The following SGCD variants were observed in gnomAD, a reference collection of about 807,000 sequenced individuals.
SGCD encodes sarcoglycan delta, also known as delta-sarcoglycan.
A neutral mutation model predicts 36.6 loss-of-function variants in SGCD; 18 were observed. That is an observed-to-expected ratio of 0.49 (90% CI 0.34 to 0.73). SGCD has a LOEUF of 0.73. Ranked by LOEUF, SGCD falls within the 30% of genes least tolerant of loss-of-function variation. The probability of loss-of-function intolerance (pLI) is 0.01; values close to 1 mark genes in which losing one functional copy is unlikely to be tolerated. For synonymous variants in SGCD, 133 were observed against 130.6 expected (o/e 1.02, Z -0.12); for missense variants, 387 against 346.7 (o/e 1.12, Z -0.92).
intron 3 of SGCD, among the ~76,000 whole-genome samples, chr5:156,453,685 G>A (rs1754126068): frequency 6.6e-6 from 1 of 152,132 alleles, no homozygotes; most frequent in Non-Finnish European, 1.5e-5. Flanking sequence ...GGACAACAGA[G>A]AATTGTCTGG....
intron 6 of SGCD, among the ~76,000 whole-genome samples, chr5:156,622,540 A>T (rs926372603): frequency 6.7e-6 from 1 of 148,662 alleles, no homozygotes; most frequent in African/African-American, 2.5e-5. Flanking sequence ...ACAAAGACAG[A>T]TTTTTTTTTT....
intron 7 of SGCD, among the ~76,000 whole-genome samples, chr5:156,647,758 A>G (rs1763285553): frequency 1.3e-5 from 2 of 152,128 alleles, no homozygotes; most frequent in South Asian, 4.1e-4. Flanking sequence ...ACTTTGTGAA[A>G]TCTAGATTCA....
At chr5:156,123,811 T>C (rs1286742931) in intron 2 of SGCD, 2 of 152,186 alleles carry the variant, frequency 1.3e-5, no homozygotes, top group Non-Finnish European at 2.9e-5. Flanking sequence ...CTGTCTTGTT[T>C]TTGTTTTTCT....
At chr5:155,986,362 G>T (rs1165354155) in intron 1 of SGCD, among the ~76,000 whole-genome samples, 4 of 152,184 alleles carry the variant, frequency 2.6e-5, no homozygotes, top group Admixed American at 2.6e-4. Context: ...TATGACTGCA[G>T]TCTTCCAGCC....
chr5:156,254,222 C>G lies in SGCD; in HGVS notation c.-43-75312C>G, dbSNP rs796359756. Among the ~76,000 whole-genome samples, 55 of 152,268 alleles carry G rather than the reference C, an allele frequency of 3.6e-4. 1 individual carries two copies. The highest frequency in any genetic ancestry group is 1.3e-3 in the African/African-American group (53 of 41,560). ...TTTACCATTTATAATGATGTATGCT[C>G]TAGACATTTTTAAAAATTATACTTT... On this transcript the variant is annotated intron_variant, in intron 3 of 9. Coordinates refer to the SGCD transcript ENST00000517913.
At chr5:156,633,365 T>C (rs1333647876) in intron 6 of SGCD, among the ~76,000 whole-genome samples, 1 of 152,202 alleles carries the variant, frequency 6.6e-6, no homozygotes, top group East Asian at 1.9e-4. Context: ...AGGATGTGCA[T>C]AACCGAACTT....
chr5:156,610,319 G>T (rs961618835), intron 6 of SGCD, among the ~76,000 whole-genome samples: 2 of 152,184 alleles, frequency 1.3e-5, no homozygotes, highest in Non-Finnish European at 2.9e-5. Flanking sequence ...TCCAGACCCT[G>T]TTTGCCTGGG....
intron 1 of SGCD, among the ~76,000 whole-genome samples, chr5:155,958,853 T>G (rs1043939615): frequency 5.9e-5 from 9 of 152,094 alleles, no homozygotes; most frequent in Non-Finnish European, 1.0e-4. Context: ...ATAGTAAGTG[T>G]GACTAGCTAT....
At chr5:156,026,162 G>T (rs188942564) in intron 1 of SGCD, among the ~76,000 whole-genome samples, 13 of 152,292 alleles carry the variant, frequency 8.5e-5, no homozygotes, top group Non-Finnish European at 1.6e-4. Context: ...ACTGTGGGTG[G>T]TAGGCAGCAA....
intron 3 of SGCD, among the ~76,000 whole-genome samples, chr5:156,321,665 C>T (rs1004192516): frequency 2.2e-4 from 34 of 152,116 alleles, no homozygotes; most frequent in African/African-American, 8.2e-4. Context: ...GGACACCATT[C>T]TCCTGGTCAC....
At position 156,126,439 on chromosome 5, in the gene SGCD, A is replaced by G. The variant is rs193104848; in HGVS notation, c.-44+2420A>G. ...TTTCTGGTTTAGAGACCAGTCGACC[A>G]TTAAGGGGAAAATAAAGCTCCCTCT... On this transcript the variant is annotated intron_variant, in intron 3 of 9. Transcript: ENST00000517913. 2.0e-5 allele frequency among the ~76,000 whole-genome samples: 3 copies of G among 152,284 alleles called. No individual in the cohort carries two copies. The East Asian group carries it at 5.8e-4, about 29-fold the overall frequency.
chr5:156,202,017 G>A (rs561626504), intron 3 of SGCD, among the ~76,000 whole-genome samples: 3 of 152,196 alleles, frequency 2.0e-5, no homozygotes, highest in Admixed American at 2.0e-4. Context: ...GTTTCACGTT[G>A]TTGTTGTTGT....
chr5:156,144,043 C>T (rs1224386704), intron 3 of SGCD, among the ~76,000 whole-genome samples: 7 of 151,910 alleles, frequency 4.6e-5, no homozygotes, highest in East Asian at 3.9e-4. Flanking sequence ...CAGTTTCATC[C>T]GTGTCCCTAC....
At chr5:156,241,335 AAT>A in intron 3 of SGCD, among the ~76,000 whole-genome samples, 1 of 151,932 alleles carries the variant, frequency 6.6e-6, no homozygotes, top group African/African-American at 2.4e-5. Flanking sequence ...AAGTTTGGAA[AAT>A]AGTCATTCAG....
chr5:155,750,415 C>T, the SGCD span, among the ~76,000 whole-genome samples: 5 of 152,090 alleles, frequency 3.3e-5, no homozygotes, highest in Non-Finnish European at 5.9e-5. Flanking sequence ...CTGCATATTC[C>T]GTATATAATT....
At chr5:155,969,395 AACATGT>A (rs2127559108) in intron 1 of SGCD, among the ~76,000 whole-genome samples, 1 of 152,286 alleles carries the variant, frequency 6.6e-6, no homozygotes, top group Non-Finnish European at 1.5e-5. Context: ...TACAGAGCTG[AACATGT>A]ACACTTTAAG....
intron 7 of SGCD, among the ~76,000 whole-genome samples, chr5:156,669,731 A>G (rs1753210477): frequency 6.6e-6 from 1 of 152,152 alleles, no homozygotes; most frequent in Admixed American, 6.6e-5. Context: ...GAAAAATGAA[A>G]CACTTTCAGA....
At chr5:155,766,813 G>A in the SGCD span, among the ~76,000 whole-genome samples, 1 of 152,238 alleles carries the variant, frequency 6.6e-6, no homozygotes, top group African/African-American at 2.4e-5. Flanking sequence ...CTGAGTGATT[G>A]TCCAGGGTCA....
chr5:155,813,177 A>G, the SGCD span, among the ~76,000 whole-genome samples: 1 of 152,016 alleles, frequency 6.6e-6, no homozygotes, highest in Non-Finnish European at 1.5e-5. Flanking sequence ...AGACAAACAT[A>G]TTGGATAGGT....
Sources: gnomAD v4.1 joint callset for allele counts (sites outside exome capture counted in the v4.1 genomes callset) on GRCh38, gnomAD v4.1.1 for gene constraint, MANE v1.5 for transcripts, NCBI Gene and HGNC (gene_info 2026-07-23, HGNC 2026-07-21) for gene names.